ATP11C: variants seen among roughly 807,000 people sequenced by gnomAD.
ATP11C encodes ATPase phospholipid transporting 11C (ATP11C blood group).
ATP11C carries 36 observed loss-of-function variants against 97.4 expected under a neutral mutation model. That is an observed-to-expected ratio of 0.37 (90% CI 0.28 to 0.49). The LOEUF is 0.49. ATP11C is among the 20% of genes least tolerant of loss of function. The pLI is 0.98. For missense variants in ATP11C, 730 were observed against 824.6 expected (o/e 0.89, Z 1.40); for synonymous variants, 275 against 290.9 (o/e 0.95, Z 0.56).
At chrX:139,906,175 G>A (rs1320780182) in intron 1 of ATP11C, among the ~76,000 whole-genome samples, 1 of 109,625 alleles carries the variant, frequency 9.1e-6, no homozygotes, top group African/African-American at 3.3e-5. Context: ...GCTGAGGCAG[G>A]TGGACATGAG....
intron 15 of ATP11C, among the ~76,000 whole-genome samples, chrX:139,786,109 T>C (rs148475018): frequency 2.6e-3 from 292 of 111,381 alleles, no homozygotes; most frequent in African/African-American, 8.9e-3. Flanking sequence ...AGAAAGCCAA[T>C]AAAAGGGTTT....
intron 1 of ATP11C, among the ~76,000 whole-genome samples, chrX:139,901,184 A>G (rs935819551): frequency 1.8e-5 from 2 of 111,787 alleles, no homozygotes; most frequent in Admixed American, 1.9e-4. Context: ...TGGACTATCA[A>G]AAGAATGCCC....
chrX:139,893,785 C>A (rs2148078295), intron 1 of ATP11C, among the ~76,000 whole-genome samples: 1 of 110,521 alleles, frequency 9.0e-6, no homozygotes, highest in East Asian at 2.8e-4. Flanking sequence ...GCATAGCCAG[C>A]AAAGAAACCC....
At chrX:139,778,545 TAGAC>T (rs1261121860) in intron 18 of ATP11C, among the ~76,000 whole-genome samples, 2 of 111,927 alleles carry the variant, frequency 1.8e-5, no homozygotes, top group African/African-American at 3.3e-5. Flanking sequence ...TACCATCTGT[TAGAC>T]AGGGCGTGGT....
upstream of ATP11C, among the ~76,000 whole-genome samples, chrX:139,933,987 T>C (rs2085492286): frequency 9.0e-6 from 1 of 111,641 alleles, no homozygotes; most frequent in East Asian, 2.8e-4. Context: ...CGACATTGCA[T>C]CTGAAAATGG....
In ATP11C at chrX:139,797,254, C is replaced by G; in HGVS notation, c.930G>C (p.Lys310Asn). Residue 310 changes from lysine to asparagine, a missense_variant, in exon 11 of 30, where the codon AAG becomes AAC. Physicochemically the swap from Lys to Asn is moderately conservative, Grantham distance 94 (BLOSUM62 0). Coordinates refer to ENST00000682941, the MANE Select transcript of ATP11C (RefSeq NM_001353812.2). ...TGTATGGGGTACTTTGCCAAACATA[C>G]TTTAGAGTAGTGCATACTGCAGCTT... ...LTKAAVCTTL[K>N]YVWQSTPYND... 1 of 1,195,954 alleles carries G rather than the reference C, an allele frequency of 8.4e-7. No individual in the cohort carries two copies. Among genetic ancestry groups the G allele is most frequent in the Non-Finnish European group, 1.1e-6 (1 of 883,562 alleles).
chrX:139,843,937 TG>T (rs2083872091), intron 1 of ATP11C, among the ~76,000 whole-genome samples: 1 of 107,648 alleles, frequency 9.3e-6, no homozygotes, highest in Non-Finnish European at 1.9e-5. Context: ...CTGATGTCCA[TG>T]GAAAAAAATA....
intron 1 of ATP11C, among the ~76,000 whole-genome samples, chrX:139,875,272 A>G (rs148157166): frequency 1.2e-3 from 129 of 110,068 alleles, no homozygotes; most frequent in African/African-American, 3.9e-3. Flanking sequence ...GGTAAGCAGG[A>G]TATCAACCTA....
intron 1 of ATP11C, among the ~76,000 whole-genome samples, chrX:139,883,681 A>T (rs1027414365): frequency 9.0e-6 from 1 of 111,334 alleles, no homozygotes; most frequent in African/African-American, 3.3e-5. Flanking sequence ...CTACCCTAAA[A>T]TGATGTACAA....
At chrX:139,768,792 C>A (rs1261126479) in intron 19 of ATP11C, among the ~76,000 whole-genome samples, 3 of 108,788 alleles carry the variant, frequency 2.8e-5, no homozygotes, top group African/African-American at 1.0e-4. Flanking sequence ...GAGAGATCAT[C>A]CTAGATAACT....
At chrX:139,739,196 C>A (rs1198614395) in intron 27 of ATP11C, among the ~76,000 whole-genome samples, 3 of 110,945 alleles carry the variant, frequency 2.7e-5, no homozygotes, top group African/African-American at 6.6e-5. Context: ...AGGCAGTTAA[C>A]TGAGCCATAA....
intron 1 of ATP11C, among the ~76,000 whole-genome samples, chrX:139,845,850 C>A (rs1401299279): frequency 2.7e-5 from 3 of 112,118 alleles, no homozygotes; most frequent in African/African-American, 9.7e-5. Flanking sequence ...CACGCTTATG[C>A]TTGCCAAATA....
intron 1 of ATP11C, among the ~76,000 whole-genome samples, chrX:139,891,610 T>C (rs1427329137): frequency 9.0e-6 from 1 of 111,427 alleles, no homozygotes; most frequent in African/African-American, 3.3e-5. Context: ...CATGCACACA[T>C]ACTCATCTCC....
chrX:139,905,815 TTGGAAGATCAAGGGCAAAAATGAA>T (rs1166306626), intron 1 of ATP11C, among the ~76,000 whole-genome samples: 5 of 111,647 alleles, frequency 4.5e-5, no homozygotes, highest in African/African-American at 6.5e-5. Flanking sequence ...TAAGCAAGAT[TTGGAAGATCAAGGGCAAAAATGAA>T]TGGAAGATCA....
chrX:139,748,511 G>C (rs1291570098), intron 24 of ATP11C, among the ~76,000 whole-genome samples: 3 of 111,790 alleles, frequency 2.7e-5, no homozygotes, highest in Non-Finnish European at 5.6e-5. Context: ...GCACTGGCAA[G>C]AGGGTTGAAT....
Position 139,740,981 on chromosome X carries a change from A to G in ATP11C, c.3134+10T>C, listed in dbSNP as rs2081543387. 9.0e-7 allele frequency: 1 copy of G among 1,116,641 alleles called. No homozygotes were observed. Among genetic ancestry groups the G allele is most frequent in the African/African-American group, 1.8e-5 (1 of 55,312 alleles). 92.0% of individuals were successfully genotyped at this position (1,116,641 alleles called of 1,213,427 possible). A position where few individuals can be genotyped will look rare whatever the true frequency, so the allele number is the denominator to read the frequency against. On this transcript the variant is annotated intron_variant, in intron 27 of 29. Transcript: ENST00000682941. ...ATTTACATATTGCTCACACATGTAC[A>G]ATTGCTTACCAAATAATTCCTCCCC...
At chrX:139,786,636 T>A (rs2082580184) in intron 15 of ATP11C, among the ~76,000 whole-genome samples, 1 of 112,615 alleles carries the variant, frequency 8.9e-6, no homozygotes, top group Admixed American at 9.4e-5. Flanking sequence ...CAGAGCCTAA[T>A]TAAAATCCAC....
chrX:139,825,018 G>A (rs941793482), intron 2 of ATP11C, among the ~76,000 whole-genome samples: 5 of 111,577 alleles, frequency 4.5e-5, no homozygotes, highest in African/African-American at 1.6e-4. Flanking sequence ...TGGTCTTTTC[G>A]GAGTAGACCT....
intron 1 of ATP11C, among the ~76,000 whole-genome samples, chrX:139,847,720 T>G (rs76138798): frequency 9.4e-6 from 1 of 105,975 alleles, no homozygotes; most frequent in African/African-American, 3.5e-5. Context: ...AAAAAAAAAC[T>G]ACGTCCTATA....
Sources: gnomAD v4.1 joint callset for allele counts (sites outside exome capture counted in the v4.1 genomes callset) on GRCh38, gnomAD v4.1.1 for gene constraint, MANE v1.5 for transcripts, NCBI Gene and HGNC (gene_info 2026-07-23, HGNC 2026-07-21) for gene names.